ADAMTSL3: variants seen among roughly 807,000 people sequenced by gnomAD.
ADAMTSL3 encodes ADAMTS-like protein 3.
A neutral mutation model predicts 201.7 loss-of-function variants in ADAMTSL3; 128 were observed. The observed-to-expected ratio is 0.63, with a 90% CI of 0.55 to 0.73. The LOEUF (loss-of-function observed/expected upper bound fraction) is 0.73. ADAMTSL3 is among the 30% of genes least tolerant of loss of function. The pLI is 0.00. For missense variants in ADAMTSL3, 1,990 were observed against 2,119.6 expected (o/e 0.94, Z 1.20); for synonymous variants, 738 against 748.4 (o/e 0.99, Z 0.23).
intron 15 of ADAMTSL3, among the ~76,000 whole-genome samples, chr15:83,909,908 G>A (rs942153238): frequency 6.6e-6 from 1 of 151,658 alleles, no homozygotes; most frequent in African/African-American, 2.4e-5. Context: ...GAGCCACCAC[G>A]CCCGCTGATG....
chr15:84,023,088 T>A (rs761454973), intron 26 of ADAMTSL3, among the ~76,000 whole-genome samples: 2 of 152,202 alleles, frequency 1.3e-5, no homozygotes, highest in Non-Finnish European at 2.9e-5. Flanking sequence ...AGACCGTAAA[T>A]TCTATGGGGA....
At chr15:83,818,285 T>G (rs1455294441) in intron 5 of ADAMTSL3, among the ~76,000 whole-genome samples, 2 of 151,162 alleles carry the variant, frequency 1.3e-5, no homozygotes, top group African/African-American at 2.4e-5. Context: ...TTTATTACCT[T>G]TATAATACAA....
chr15:83,842,604 C>T (rs1468032210), intron 7 of ADAMTSL3, among the ~76,000 whole-genome samples: 1 of 152,182 alleles, frequency 6.6e-6, no homozygotes, highest in Non-Finnish European at 1.5e-5. Flanking sequence ...TATTTGTAAA[C>T]ATATTTGAAA....
intron 4 of ADAMTSL3, among the ~76,000 whole-genome samples, chr15:83,778,670 A>C (rs1345631647): frequency 6.6e-6 from 1 of 152,254 alleles, no homozygotes; most frequent in Non-Finnish European, 1.5e-5. Flanking sequence ...AACATACTGA[A>C]GAATACAGAC....
At chr15:83,661,595 G>GTGTAT (rs2141360837) in intron 2 of ADAMTSL3, among the ~76,000 whole-genome samples, 1 of 152,190 alleles carries the variant, frequency 6.6e-6, no homozygotes, top group African/African-American at 2.4e-5. Flanking sequence ...TCTTTTGTTG[G>GTGTAT]TGTATAAGAA....
intron 16 of ADAMTSL3, among the ~76,000 whole-genome samples, chr15:83,916,765 G>A (rs980015898): frequency 6.9e-6 from 1 of 145,800 alleles, no homozygotes; most frequent in African/African-American, 2.6e-5. Flanking sequence ...GGGCAACATA[G>A]CAAGACCCAG....
At chr15:83,863,098 A>G (rs1380555544) in intron 8 of ADAMTSL3, among the ~76,000 whole-genome samples, 2 of 152,262 alleles carry the variant, frequency 1.3e-5, no homozygotes, top group Non-Finnish European at 2.9e-5. Context: ...CACCCAATAC[A>G]GGAACACCCA....
chr15:83,999,492 T>G (rs539194921), intron 23 of ADAMTSL3, among the ~76,000 whole-genome samples: 2 of 152,348 alleles, frequency 1.3e-5, no homozygotes, highest in East Asian at 3.9e-4. Flanking sequence ...CTAGGAAGTC[T>G]GAATCTACTA....
chr15:83,767,594 CAG>C (rs1038241077), intron 3 of ADAMTSL3, among the ~76,000 whole-genome samples: 5 of 152,140 alleles, frequency 3.3e-5, no homozygotes, highest in Non-Finnish European at 7.3e-5. Context: ...CATTAACCTT[CAG>C]AGCTGGGGCT....
chr15:83,738,380 G>A (rs961392598), intron 3 of ADAMTSL3, among the ~76,000 whole-genome samples: 9 of 152,082 alleles, frequency 5.9e-5, no homozygotes, highest in African/African-American at 2.2e-4. Flanking sequence ...AAGCAATTTA[G>A]CATCTATATG....
rs565125534 is a variant in ADAMTSL3 at position 83,781,697 on chromosome 15, C to CT, written c.317+8048dup. On this transcript the variant is annotated intron_variant, in intron 4 of 29. Transcript: ENST00000286744. ...TAGAATGGGAGAAAAATTTTGCAAA[C>CT]TATGTATCTGACAAAGGAACTTAAA... Among the ~76,000 whole-genome samples, 53 of 151,974 alleles carry CT rather than the reference C, an allele frequency of 3.5e-4. 2 individuals are homozygous for CT. In the East Asian group the frequency reaches 9.1e-3, roughly 26 times the overall value.
At chr15:84,012,815 C>G (rs1006455589) in intron 23 of ADAMTSL3, among the ~76,000 whole-genome samples, 88 of 152,230 alleles carry the variant, frequency 5.8e-4, no homozygotes, top group African/African-American at 2.1e-3. Flanking sequence ...GGGCAACCAT[C>G]TCAGACTCCA....
chr15:83,837,443 G>C (rs974060994), intron 6 of ADAMTSL3, among the ~76,000 whole-genome samples: 1 of 151,994 alleles, frequency 6.6e-6, no homozygotes, highest in African/African-American at 2.4e-5. Flanking sequence ...TGTAGGGCTG[G>C]GGAGAGAGGA....
At chr15:83,894,441 T>C (rs892885131) in intron 13 of ADAMTSL3, among the ~76,000 whole-genome samples, 1 of 152,234 alleles carries the variant, frequency 6.6e-6, no homozygotes, top group African/African-American at 2.4e-5. Flanking sequence ...ATGTTGTGAA[T>C]GTTGACATTT....
intron 19 of ADAMTSL3, among the ~76,000 whole-genome samples, chr15:83,944,988 C>A (rs190384968): frequency 1.3e-4 from 20 of 152,248 alleles, no homozygotes; most frequent in African/African-American, 4.3e-4. Flanking sequence ...CTGTTTTAAC[C>A]GTGTAGTTTT....
chr15:83,781,304 G>A (rs997370549), intron 4 of ADAMTSL3, among the ~76,000 whole-genome samples: 3 of 151,998 alleles, frequency 2.0e-5, no homozygotes, highest in African/African-American at 7.2e-5. Context: ...TAGAAATAAG[G>A]CCACACACCT....
intron 3 of ADAMTSL3, among the ~76,000 whole-genome samples, chr15:83,720,458 T>G (rs751227746): frequency 2.6e-5 from 4 of 152,356 alleles, no homozygotes; most frequent in Non-Finnish European, 4.4e-5. Flanking sequence ...AAGTTCAAAC[T>G]TATGTGTGCA....
At chr15:83,906,602 T>C (rs888430964) in intron 15 of ADAMTSL3, among the ~76,000 whole-genome samples, 6 of 100,932 alleles carry the variant, frequency 5.9e-5, no homozygotes, top group African/African-American at 2.4e-4. Flanking sequence ...TGTATCTATA[T>C]ATTTATATAG....
chr15:83,783,721 C>A (rs1017412319), intron 4 of ADAMTSL3, among the ~76,000 whole-genome samples: 7 of 151,000 alleles, frequency 4.6e-5, no homozygotes, highest in African/African-American at 1.7e-4. Flanking sequence ...TTTAATAGCC[C>A]TGAATACACA....
Sources: allele counts gnomAD v4.1 joint callset (sites outside exome capture counted in the v4.1 genomes callset), GRCh38; gene constraint gnomAD v4.1.1; transcripts MANE v1.5; gene names NCBI Gene and HGNC (gene_info 2026-07-23, HGNC 2026-07-21).